Variants in OGT observed in about 807,000 individuals in gnomAD.
OGT encodes the protein O-linked N-acetylglucosamine (GlcNAc) transferase.
In OGT, 3 loss-of-function variants were observed where a neutral mutation model predicts 75.8. That is an observed-to-expected ratio of 0.04 (90% CI 0.02 to 0.10). The LOEUF (loss-of-function observed/expected upper bound fraction) is 0.10. Among genes scored for constraint, OGT ranks in the 10% least tolerant of loss-of-function variants. The pLI, the probability that OGT is intolerant of heterozygous loss-of-function variation, is 1.00. For missense variants in OGT, 260 were observed against 824.4 expected, an observed-to-expected ratio of 0.32 and a Z score of 8.38; for synonymous variants, 257 against 289.7, an observed-to-expected ratio of 0.89 and a Z score of 1.15.
chrX:71,536,401 G>A, intron 2 of OGT, 43 bp downstream of exon 2: 2 of 1,007,403 alleles, frequency 2.0e-6, no homozygotes, highest in Non-Finnish European at 1.3e-6. Context: ...CTGCCTCTGG[G>A]TGCTGAGCTT....
chrX:71,543,221 A>G (rs762677845), intron 3 of OGT, among the ~76,000 whole-genome samples: 2 of 112,077 alleles, frequency 1.8e-5, no homozygotes, highest in South Asian at 7.4e-4. Flanking sequence ...ACAGTTGACA[A>G]AATTTCACTT....
chrX:71,540,692 G>C (rs1215924262), intron 3 of OGT, among the ~76,000 whole-genome samples: 2 of 100,839 alleles, frequency 2.0e-5, no homozygotes, highest in Non-Finnish European at 4.0e-5. Flanking sequence ...TTTTTTTGGA[G>C]ACGGAGTTTT....
At position 71,561,675 on chromosome X, in the gene OGT, T is replaced by C. The variant is rs2040385617; in HGVS notation, c.1852-100T>C. On this transcript the variant is annotated intron_variant, in intron 14 of 21. Coordinates refer to ENST00000373719, the MANE Select transcript of OGT (RefSeq NM_181672.3). ...CTTTTCCATCTGGGAATCTGAATTA[T>C]GTTAAATGCCATTAAAACTAAATGC... is the stretch of plus-strand genomic sequence containing the variant. The C allele has an allele frequency of 6.1e-6, 4 of 651,458 alleles. No individual in the cohort carries two copies. In the South Asian group the frequency reaches 1.9e-4, roughly 31 times the overall value. 53.7% of individuals were successfully genotyped at this position (651,458 alleles called of 1,213,427 possible). A position where few individuals can be genotyped will look rare whatever the true frequency, so the allele number is the denominator to read the frequency against.
chrX:71,575,782 GT>G lies in OGT; in HGVS notation c.*1996del, dbSNP rs1043137117. On this transcript the variant is annotated 3_prime_UTR_variant, in exon 22 of 22. Transcript: ENST00000373719. ...ATATAGATATTACTGGAAACTAATT[GT>G]TTTTTTTCTATTGTACTCTGCTTTA... is the stretch of plus-strand genomic sequence containing the variant. 9.0e-6 allele frequency: 1 copy of G among 111,713 alleles called. No homozygotes were observed. The highest frequency in any genetic ancestry group is 1.9e-5 in the Non-Finnish European group (1 of 53,013). 9.2% of individuals were successfully genotyped at this position (111,713 alleles called of 1,213,427 possible).
At chrX:71,572,347 A>T (rs922976147) in intron 21 of OGT, among the ~76,000 whole-genome samples, 2 of 112,339 alleles carry the variant, frequency 1.8e-5, no homozygotes, top group African/African-American at 6.5e-5. Flanking sequence ...TTATTTTCCT[A>T]TTGGCATAGA....
At chrX:71,556,222 A>G in intron 8 of OGT, 128 bp downstream of exon 8, 1 of 734,929 alleles carries the variant, frequency 1.4e-6, no homozygotes, top group Non-Finnish European at 2.0e-6. Flanking sequence ...TCATTGAAGT[A>G]ACAATTGAGT....
At chrX:71,551,934 G>A (rs1400375741) in intron 5 of OGT, among the ~76,000 whole-genome samples, 3 of 111,053 alleles carry the variant, frequency 2.7e-5, no homozygotes, top group African/African-American at 9.8e-5. Flanking sequence ...TAGGCCGGGT[G>A]CGGTAGCTCA....
chrX:71,540,062 T>C (rs2040206713), intron 3 of OGT, among the ~76,000 whole-genome samples: 1 of 112,538 alleles, frequency 8.9e-6, no homozygotes, highest in South Asian at 3.6e-4. Flanking sequence ...AATCATGGGA[T>C]TACCTCTTGA....
At chrX:71,536,961 GGTT>G in intron 2 of OGT, 1 of 188,696 alleles carries the variant, frequency 5.3e-6, no homozygotes, top group Non-Finnish European at 9.3e-6. Flanking sequence ...CAATGTGGTG[GGTT>G]TTTTTTTTTT....
At chrX:71,534,984 T>C (rs2040164708) in intron 1 of OGT, among the ~76,000 whole-genome samples, 1 of 111,814 alleles carries the variant, frequency 8.9e-6, no homozygotes, top group Admixed American at 9.5e-5. Flanking sequence ...GCTCTGATGA[T>C]TGGGGAGCTG....
chrX:71,536,567 CTAG>C (rs2040177322), intron 2 of OGT: 1 of 318,443 alleles, frequency 3.1e-6, no homozygotes, highest in African/African-American at 2.7e-5. Flanking sequence ...ATCAGTATGA[CTAG>C]GGACCTTTTC....
intron 6 of OGT, 56 bp from the exon 7 acceptor site, chrX:71,555,134 T>TTTTG (rs541950947): frequency 2.4e-6 from 1 of 409,814 alleles, no homozygotes; most frequent in African/African-American, 3.2e-5. Flanking sequence ...GAGTTACATT[T>TTTTG]TGTGTGTGTG....
At chrX:71,563,736 C>T (rs1439424352) in intron 18 of OGT, among the ~76,000 whole-genome samples, 1 of 112,027 alleles carries the variant, frequency 8.9e-6, no homozygotes, top group East Asian at 2.8e-4. Flanking sequence ...TATTCCCTGC[C>T]TGTGGCTTTA....
intron 3 of OGT, among the ~76,000 whole-genome samples, chrX:71,540,829 T>G (rs1569424452): frequency 9.0e-6 from 1 of 110,654 alleles, no homozygotes; most frequent in Admixed American, 9.6e-5. Context: ...CCCACCACCA[T>G]GCCTGGCTAA....
chrX:71,565,694 A>G (rs1176638191), intron 19 of OGT, among the ~76,000 whole-genome samples: 2 of 112,277 alleles, frequency 1.8e-5, no homozygotes, highest in Non-Finnish European at 3.8e-5. Flanking sequence ...GATGGTAAAT[A>G]TTTTCAGTTT....
At chrX:71,533,386 C>T in intron 1 of OGT, 50 bp downstream of exon 1, 1 of 1,053,317 alleles carries the variant, frequency 9.5e-7, no homozygotes, top group Non-Finnish European at 1.3e-6. Flanking sequence ...GGGTCTCGCG[C>T]CGTCCTCTAC....
At chrX:71,536,033 C>T (rs775587645) in intron 1 of OGT, 145 bp from the exon 2 acceptor site, 156 of 392,154 alleles carry the variant, frequency 4.0e-4, no homozygotes, top group Admixed American at 5.6e-5. Flanking sequence ...ATATACATAA[C>T]GTGCAGAACA....
At chrX:71,553,936 C>T (rs67271341) in intron 5 of OGT, among the ~76,000 whole-genome samples, 1 of 110,827 alleles carries the variant, frequency 9.0e-6, no homozygotes, top group Non-Finnish European at 1.9e-5. Flanking sequence ...GATAGAGCCT[C>T]GGTACCTTTT....
rs1428782607 is a variant in OGT at position 71,559,858 on chromosome X, T to G, written c.1851+181T>G. On this transcript the variant is annotated intron_variant, in intron 14 of 21. Transcript: ENST00000373719. ...GCATGGCTTTTTCCGAGGTTGCAAA[T>G]GAAACTGAAATGTGTTATGCTTGTG... Among the ~76,000 whole-genome samples the G allele has an allele frequency of 2.7e-5, 3 of 112,339 alleles. No homozygotes were observed. In the Admixed American group the frequency reaches 2.9e-4, roughly 11 times the overall value.
Sources: gnomAD v4.1 joint callset for allele counts (sites outside exome capture counted in the v4.1 genomes callset) on GRCh38, gnomAD v4.1.1 for gene constraint, MANE v1.5 for transcripts, NCBI Gene and HGNC (gene_info 2026-07-23, HGNC 2026-07-21) for gene names.